Variants in RBM33 observed in about 807,000 individuals in gnomAD.
The protein encoded by RBM33 is RNA binding motif protein 33, also known as RNA-binding protein 33.
Under a neutral mutation model 132.6 loss-of-function variants are expected in RBM33, and 28 were observed. The ratio of observed to expected loss-of-function variants is 0.21; its 90% CI spans 0.16 to 0.29. RBM33 has a LOEUF of 0.29. Among genes scored for constraint, RBM33 ranks in the 10% least tolerant of loss-of-function variants. The pLI, the probability that RBM33 is intolerant of heterozygous loss-of-function variation, is 1.00. For missense variants in RBM33, 1,291 were observed against 1,518.5 expected, an observed-to-expected ratio of 0.85 and a Z score of 2.49; for synonymous variants, 634 against 593.0, an observed-to-expected ratio of 1.07 and a Z score of -1.01.
intron 1 of RBM33, among the ~76,000 whole-genome samples, chr7:155,647,280 A>G (rs1450629656): frequency 6.6e-6 from 1 of 152,202 alleles, no homozygotes; most frequent in East Asian, 1.9e-4. Context: ...TAATTTCACA[A>G]CCTACAAAAT....
intron 12 of RBM33, among the ~76,000 whole-genome samples, chr7:155,741,230 C>G (rs73167163): frequency 0.11 from 16,823 of 151,884 alleles, 1,254 homozygotes; most frequent in Non-Finnish European, 0.16. Flanking sequence ...CCCCCTCCCC[C>G]CTTCCAGCTC....
chr7:155,651,975 C>T (rs1482343262), intron 1 of RBM33, among the ~76,000 whole-genome samples: 1 of 152,178 alleles, frequency 6.6e-6, no homozygotes, highest in Non-Finnish European at 1.5e-5. Context: ...TGTAGGAACT[C>T]TTTCTGAAAA....
At chr7:155,736,209 G>A (rs1801121356) in intron 9 of RBM33, among the ~76,000 whole-genome samples, 1 of 152,222 alleles carries the variant, frequency 6.6e-6, no homozygotes, top group African/African-American at 2.4e-5. Flanking sequence ...CTGCGGAAGA[G>A]CATTTTCAGT....
chr7:155,716,094 T>C (rs1800451838), intron 8 of RBM33, among the ~76,000 whole-genome samples: 2 of 152,216 alleles, frequency 1.3e-5, no homozygotes, highest in African/African-American at 2.4e-5. Context: ...AATATTCAAG[T>C]TGAAGCTTCA....
intron 14 of RBM33, among the ~76,000 whole-genome samples, chr7:155,753,878 A>G (rs968505546): frequency 5.9e-5 from 9 of 152,246 alleles, no homozygotes; most frequent in African/African-American, 2.2e-4. Flanking sequence ...GCAAATAGCA[A>G]AAGAGTGAAA....
intron 8 of RBM33, among the ~76,000 whole-genome samples, chr7:155,712,887 A>G (rs761360514): frequency 6.6e-6 from 1 of 152,200 alleles, no homozygotes; most frequent in Non-Finnish European, 1.5e-5. Flanking sequence ...GAATGACGTG[A>G]CCTTGTGTAT....
At chr7:155,708,337 T>C (rs1800175536) in intron 7 of RBM33, among the ~76,000 whole-genome samples, 1 of 152,206 alleles carries the variant, frequency 6.6e-6, no homozygotes, top group Non-Finnish European at 1.5e-5. Context: ...TTGTCTTTTT[T>C]CCCTTCGTTG....
intron 14 of RBM33, among the ~76,000 whole-genome samples, chr7:155,762,533 G>A (rs1016399572): frequency 2.0e-5 from 3 of 152,166 alleles, no homozygotes; most frequent in Admixed American, 6.5e-5. Context: ...TTCATGCCAC[G>A]TATTCCTGTG....
intron 1 of RBM33, among the ~76,000 whole-genome samples, chr7:155,664,242 T>C (rs113759680): frequency 7.1e-6 from 1 of 140,372 alleles, no homozygotes; most frequent in African/African-American, 2.9e-5. Context: ...TATATATATA[T>C]ATGTGTGTGT....
At chr7:155,673,402 TTG>T (rs200441063) in intron 3 of RBM33, among the ~76,000 whole-genome samples, 11,385 of 44,918 alleles carry the variant, frequency 0.25, 606 homozygotes, top group Admixed American at 0.36. Context: ...TTTATATATA[TTG>T]TGTGTGTGTG....
intron 16 of RBM33, among the ~76,000 whole-genome samples, chr7:155,767,582 C>A (rs1417352849): frequency 6.6e-6 from 1 of 152,164 alleles, no homozygotes; most frequent in Non-Finnish European, 1.5e-5. Flanking sequence ...TTGACAGTTC[C>A]TAAAAATGAA....
At chr7:155,755,624 A>G (rs930454762) in intron 14 of RBM33, among the ~76,000 whole-genome samples, 41 of 152,338 alleles carry the variant, frequency 2.7e-4, no homozygotes, top group African/African-American at 9.1e-4. Context: ...TGAGATTTCT[A>G]TAGAGGGGGT....
intron 10 of RBM33, 126 bp downstream of exon 10, chr7:155,737,788 A>G (rs1801178415): frequency 1.8e-6 from 2 of 1,123,844 alleles, no homozygotes; most frequent in Admixed American, 3.2e-5. Context: ...AGGTTTTTGT[A>G]CCATAGCAGT....
intron 6 of RBM33, among the ~76,000 whole-genome samples, chr7:155,702,385 T>C (rs1435265277): frequency 6.6e-6 from 1 of 152,230 alleles, no homozygotes; most frequent in Admixed American, 6.5e-5. Context: ...AGTTTACTAC[T>C]ACTCCATCTT....
At chr7:155,670,632 C>T (rs968167386) in intron 2 of RBM33, among the ~76,000 whole-genome samples, 1 of 152,118 alleles carries the variant, frequency 6.6e-6, no homozygotes, top group South Asian at 2.1e-4. Context: ...AAAATGGCAA[C>T]GGTGTGTCTA....
At chr7:155,736,478 G>A (rs990508027) in intron 9 of RBM33, among the ~76,000 whole-genome samples, 3 of 152,112 alleles carry the variant, frequency 2.0e-5, no homozygotes, top group African/African-American at 7.2e-5. Context: ...CAATACGGTG[G>A]TTTAAAAAAA....
chr7:155,740,429 A>G (rs1801294404), intron 12 of RBM33, among the ~76,000 whole-genome samples: 1 of 152,252 alleles, frequency 6.6e-6, no homozygotes, highest in Non-Finnish European at 1.5e-5. Context: ...GAATAAATAC[A>G]TAAATGAATT....
chr7:155,671,560 G>A (rs955759457), intron 2 of RBM33, among the ~76,000 whole-genome samples: 3 of 152,112 alleles, frequency 2.0e-5, no homozygotes, highest in South Asian at 2.1e-4. Flanking sequence ...ATGCATTCCC[G>A]GAGATTATAG....
At chr7:155,656,609 T>C (rs1045506852) in intron 1 of RBM33, among the ~76,000 whole-genome samples, 9 of 152,214 alleles carry the variant, frequency 5.9e-5, no homozygotes, top group African/African-American at 1.4e-4. Context: ...TATGTGTATG[T>C]ATATATCTCA....
Sources: gnomAD v4.1 joint callset for allele counts (sites outside exome capture counted in the v4.1 genomes callset) on GRCh38, gnomAD v4.1.1 for gene constraint, MANE v1.5 for transcripts, NCBI Gene and HGNC (gene_info 2026-07-23, HGNC 2026-07-21) for gene names.